The following GNAQ variants were observed in gnomAD, a reference collection of about 807,000 sequenced individuals.
The protein encoded by GNAQ is G protein subunit alpha q.
In GNAQ, 8 loss-of-function variants were observed where a neutral mutation model predicts 43.9. The ratio of observed to expected loss-of-function variants is 0.18; its 90% CI spans 0.11 to 0.33. The LOEUF is 0.33. Among genes scored for constraint, GNAQ ranks in the 10% least tolerant of loss-of-function variants. GNAQ has a pLI of 1.00. For synonymous variants in GNAQ, 155 were observed against 170.7 expected, an observed-to-expected ratio of 0.91 and a Z score of 0.71; for missense variants, 158 against 450.8, an observed-to-expected ratio of 0.35 and a Z score of 5.88.
At chr9:77,916,935 T>C (rs947091894) in intron 2 of GNAQ, among the ~76,000 whole-genome samples, 1 of 152,148 alleles carries the variant, frequency 6.6e-6, no homozygotes, top group Non-Finnish European at 1.5e-5. Context: ...ATTGCCACAA[T>C]ACCACCCTTA....
At chr9:77,923,818 G>A (rs1256916282) in intron 1 of GNAQ, among the ~76,000 whole-genome samples, 1 of 151,932 alleles carries the variant, frequency 6.6e-6, no homozygotes, top group Non-Finnish European at 1.5e-5. Context: ...AAGGAAAGAA[G>A]GAAGAGAGGG....
At chr9:77,913,217 CA>C (rs1465161203) in intron 2 of GNAQ, among the ~76,000 whole-genome samples, 2 of 151,716 alleles carry the variant, frequency 1.3e-5, no homozygotes, top group Non-Finnish European at 1.5e-5. Flanking sequence ...TTATGTTCAC[CA>C]AAGACAGGTA....
intron 2 of GNAQ, among the ~76,000 whole-genome samples, chr9:77,826,615 T>A (rs916896627): frequency 1.4e-4 from 21 of 152,230 alleles, no homozygotes; most frequent in Non-Finnish European, 2.9e-4. Flanking sequence ...CACAGTGTTA[T>A]AAGGGCCTAC....
At chr9:77,906,733 A>C (rs1194661993) in intron 2 of GNAQ, among the ~76,000 whole-genome samples, 1 of 152,218 alleles carries the variant, frequency 6.6e-6, no homozygotes, top group East Asian at 1.9e-4. Context: ...ACTAATTGCA[A>C]ATATTAACAT....
At chr9:77,857,587 G>A (rs1827776929) in intron 2 of GNAQ, among the ~76,000 whole-genome samples, 1 of 147,486 alleles carries the variant, frequency 6.8e-6, no homozygotes, top group Non-Finnish European at 1.5e-5. Context: ...GGGTAGAAAA[G>A]AGAAGGGTAG....
At chr9:77,892,827 A>C (rs1828426573) in intron 2 of GNAQ, among the ~76,000 whole-genome samples, 1 of 152,214 alleles carries the variant, frequency 6.6e-6, no homozygotes, top group South Asian at 2.1e-4. Flanking sequence ...CATACTTTGA[A>C]AAGAAAGAAA....
At chr9:77,860,202 G>A (rs530977298) in intron 2 of GNAQ, among the ~76,000 whole-genome samples, 1 of 152,298 alleles carries the variant, frequency 6.6e-6, no homozygotes, top group African/African-American at 2.4e-5. Context: ...GCTGAGTGGG[G>A]GTTAGCTGGA....
chr9:77,897,388 G>A (rs911662162), intron 2 of GNAQ, among the ~76,000 whole-genome samples: 2 of 152,194 alleles, frequency 1.3e-5, no homozygotes, highest in Non-Finnish European at 2.9e-5. Context: ...AGGGAGCCAG[G>A]GCTTTTTGTA....
intron 1 of GNAQ, among the ~76,000 whole-genome samples, chr9:77,981,685 C>G (rs1331703961): frequency 2.0e-5 from 3 of 152,168 alleles, no homozygotes. Flanking sequence ...TCCTTTCTCT[C>G]AAATTTCATG....
chr9:77,757,236 C>A (rs986072579), intron 5 of GNAQ, among the ~76,000 whole-genome samples: 12 of 152,168 alleles, frequency 7.9e-5, no homozygotes, highest in Non-Finnish European at 1.5e-4. Context: ...AAGAATCTAT[C>A]CCCATAAGCA....
chr9:77,965,529 G>GA lies in GNAQ; in HGVS notation c.137-43185dup, dbSNP rs1013597234. 7.9e-5 allele frequency among the ~76,000 whole-genome samples: 12 copies of GA among 151,564 alleles called. No individual in the cohort carries two copies. The East Asian group carries it at 1.2e-3, about 15-fold the overall frequency. On this transcript the variant is annotated intron_variant, in intron 1 of 6. Transcript: ENST00000286548. Reference sequence around the variant, plus strand: ...AAATAAGAAATCAAGTAATCCAAAGGAAAAAAAATCAGTAAAAGGTTTCAC... The same window carrying GA: ...AAATAAGAAATCAAGTAATCCAAAGGAAAAAAAAATCAGTAAAAGGTTTCAC...
chr9:77,766,116 T>C (rs985403075), intron 5 of GNAQ, among the ~76,000 whole-genome samples: 8 of 152,208 alleles, frequency 5.3e-5, no homozygotes, highest in African/African-American at 1.7e-4. Flanking sequence ...TTTGAGAAGA[T>C]GAAAGTTCTG....
intron 2 of GNAQ, among the ~76,000 whole-genome samples, chr9:77,877,312 A>C (rs1159146181): frequency 6.6e-6 from 1 of 152,222 alleles, no homozygotes; most frequent in Non-Finnish European, 1.5e-5. Context: ...TTTTTCATGA[A>C]CTTTGTTTTA....
chr9:77,766,766 G>C (rs1414312019), intron 5 of GNAQ, among the ~76,000 whole-genome samples: 2 of 152,156 alleles, frequency 1.3e-5, no homozygotes, highest in African/African-American at 2.4e-5. Context: ...GACAACTGGA[G>C]CTGCCTTTGC....
intron 1 of GNAQ, among the ~76,000 whole-genome samples, chr9:77,931,531 C>T (rs908932285): frequency 6.6e-6 from 1 of 151,510 alleles, no homozygotes; most frequent in African/African-American, 2.4e-5. Context: ...ACGTAGTATA[C>T]AGTGAGCCGA....
chr9:77,845,811 C>A (rs1172218952), intron 2 of GNAQ, among the ~76,000 whole-genome samples: 4 of 152,154 alleles, frequency 2.6e-5, no homozygotes, highest in Admixed American at 2.6e-4. Flanking sequence ...CTTGGAGGGT[C>A]TAGCATAGGG....
intron 1 of GNAQ, among the ~76,000 whole-genome samples, chr9:77,924,833 G>T (rs1396155330): frequency 6.6e-6 from 1 of 151,902 alleles, no homozygotes; most frequent in East Asian, 1.9e-4. Flanking sequence ...ACACACCCAG[G>T]GATCCTTTCT....
chr9:77,733,975 C>T lies in GNAQ; in HGVS notation c.736-5308G>A, dbSNP rs143749846. On this transcript the variant is annotated intron_variant, in intron 5 of 6. Coordinates refer to ENST00000286548, the MANE Select transcript of GNAQ (RefSeq NM_002072.5). ...GGATCCAGTGGACATGGCCCAAGAC[C>T]CCAGCTGGAAGCTAGCTTTCTTCAG... is the stretch of plus-strand genomic sequence containing the variant. Among the ~76,000 whole-genome samples the T allele has an allele frequency of 7.2e-3, 1,104 of 152,284 alleles. 23 individuals carry two copies. Among genetic ancestry groups the T allele is most frequent in the African/African-American group, 0.025 (1,050 of 41,562 alleles).
At chr9:77,838,132 T>C (rs1297381161) in intron 2 of GNAQ, among the ~76,000 whole-genome samples, 3 of 145,118 alleles carry the variant, frequency 2.1e-5, no homozygotes, top group South Asian at 2.2e-4. Context: ...TTACAGGCAT[T>C]AATGATTTTT....
Sources: gnomAD v4.1 joint callset for allele counts (sites outside exome capture counted in the v4.1 genomes callset) on GRCh38, gnomAD v4.1.1 for gene constraint, MANE v1.5 for transcripts, NCBI Gene and HGNC (gene_info 2026-07-23, HGNC 2026-07-21) for gene names.